The following RHBDL2 variants were observed in gnomAD, a reference collection of about 807,000 sequenced individuals.
The protein encoded by RHBDL2 is rhomboid-related protein 2.
A neutral mutation model predicts 31.7 loss-of-function variants in RHBDL2; 26 were observed. That is an observed-to-expected ratio of 0.82 (90% CI 0.60 to 1.14). The LOEUF is 1.14. Among genes scored for constraint, RHBDL2 ranks in the 50% most tolerant of loss-of-function variants. The pLI is 0.00. For missense variants in RHBDL2, 336 were observed against 364.4 expected, an observed-to-expected ratio of 0.92 and a Z score of 0.63; for synonymous variants, 123 against 127.2, an observed-to-expected ratio of 0.97 and a Z score of 0.22.
intron 4 of RHBDL2, among the ~76,000 whole-genome samples, chr1:38,897,675 A>G (rs539021526): frequency 6.6e-6 from 1 of 152,322 alleles, no homozygotes; most frequent in East Asian, 1.9e-4. Context: ...TCATCGTGCC[A>G]CTGCGCTCCA....
At position 38,917,009 on chromosome 1, in the gene RHBDL2, G is replaced by A. The variant is rs1048401304; in HGVS notation, c.247-1299C>T. 1.6e-3 allele frequency among the ~76,000 whole-genome samples: 239 copies of A among 150,388 alleles called. 2 individuals are homozygous for A. Among genetic ancestry groups the A allele is most frequent in the African/African-American group, 5.4e-3 (220 of 41,062 alleles). Reference sequence around the variant, plus strand: ...GGAGAAACTGGGTGAGAGGCATACAGGAACTTTCTTTTTTTTTTTTTTTTT... The same window carrying A: ...GGAGAAACTGGGTGAGAGGCATACAAGAACTTTCTTTTTTTTTTTTTTTTT... On this transcript the variant is annotated intron_variant, in intron 2 of 7. Coordinates refer to ENST00000372990, the MANE Select transcript of RHBDL2 (RefSeq NM_017821.5).
rs768195474 is a variant in RHBDL2 at position 38,919,289 on chromosome 1, C to A, written c.-77G>T. 197 of 1,610,842 alleles carry A rather than the reference C, an allele frequency of 1.2e-4. No individual in the cohort carries two copies. The highest frequency in any genetic ancestry group is 1.6e-4 in the Non-Finnish European group (189 of 1,179,820). On this transcript the variant is annotated 5_prime_UTR_variant, in exon 2 of 8. Transcript: ENST00000372990. ...AGGTGGCCCTAGGTCCTCAGGCTGC[C>A]GCTCTTCCCTGGGCTGTCTGGCGCA...
chr1:38,911,416 C>T lies in RHBDL2; in HGVS notation c.414G>A (p.Gly138=), dbSNP rs765129152. 8.7e-6 allele frequency: 14 copies of T among 1,613,588 alleles called. No homozygotes were observed. The highest frequency in any genetic ancestry group is 1.2e-5 in the Non-Finnish European group (14 of 1,179,626). ...LVHAGVQHIL[G]NLCMQLVLGI... is the part of the protein sequence containing the mutation. ...CCAAAACAAGCTGCATACAAAGATTCCCCAAGATGTGCTGAACTCTGCAAA... is the reference window on the plus strand; with the variant it reads ...CCAAAACAAGCTGCATACAAAGATTTCCCAAGATGTGCTGAACTCTGCAAA... The change falls in exon 4 of 8, where the codon GGG becomes GGA. Residue 138 remains glycine, a synonymous_variant. Coordinates refer to ENST00000372990, the MANE Select transcript of RHBDL2 (RefSeq NM_017821.5).
chr1:38,893,163 C>T lies in RHBDL2; in HGVS notation c.670+1G>A. Reference sequence around the variant, plus strand: ...ATGAAGTATTCACAAAACACACTTACTTATCAGGATGATGATCAGCAGTCT... The same window carrying T: ...ATGAAGTATTCACAAAACACACTTATTTATCAGGATGATGATCAGCAGTCT... On this transcript the variant is annotated splice_donor_variant, in intron 6 of 7. Transcript: ENST00000372990. LOFTEE classifies it high-confidence loss of function. 6.5e-7 allele frequency: 1 copy of T among 1,542,906 alleles called. No homozygotes were observed. The highest frequency in any genetic ancestry group is 9.0e-7 in the Non-Finnish European group (1 of 1,116,474).
At chr1:38,920,171 T>TTC (rs1553159775) in intron 1 of RHBDL2, among the ~76,000 whole-genome samples, 1 of 143,224 alleles carries the variant, frequency 7.0e-6, no homozygotes, top group Non-Finnish European at 1.5e-5. Flanking sequence ...GTTTTCTTTT[T>TTC]TTTTTTTTTT....
At chr1:38,931,303 C>T (rs1055794691) in intron 1 of RHBDL2, among the ~76,000 whole-genome samples, 3 of 152,236 alleles carry the variant, frequency 2.0e-5, no homozygotes, top group South Asian at 2.1e-4. Context: ...GGGCAGATCA[C>T]GAGGTCAGGA....
At chr1:38,900,827 C>A (rs1642979724) in intron 4 of RHBDL2, among the ~76,000 whole-genome samples, 1 of 151,962 alleles carries the variant, frequency 6.6e-6, no homozygotes, top group African/African-American at 2.4e-5. Context: ...GCAGGAGGAT[C>A]ACTTGAGGTC....
At chr1:38,887,655 C>T (rs554535617) in intron 7 of RHBDL2, among the ~76,000 whole-genome samples, 17 of 151,554 alleles carry the variant, frequency 1.1e-4, no homozygotes, top group African/African-American at 4.1e-4. Flanking sequence ...AAACTCCTGA[C>T]CCTGTGATCC....
At chr1:38,890,271 C>G (rs1005974414) in intron 6 of RHBDL2, among the ~76,000 whole-genome samples, 5 of 152,248 alleles carry the variant, frequency 3.3e-5, no homozygotes, top group Middle Eastern at 3.4e-3. Context: ...CCACCCGCCT[C>G]GGCTTCCTAA....
At chr1:38,917,786 C>T (rs1643259541) in intron 2 of RHBDL2, among the ~76,000 whole-genome samples, 1 of 152,194 alleles carries the variant, frequency 6.6e-6, no homozygotes, top group South Asian at 2.1e-4. Flanking sequence ...CCATAAGAGG[C>T]TTGGTCCCTG....
chr1:38,894,537 G>T (rs1642890875), intron 5 of RHBDL2, among the ~76,000 whole-genome samples: 1 of 151,580 alleles, frequency 6.6e-6, no homozygotes, highest in Non-Finnish European at 1.5e-5. Context: ...TGGCCAGGAT[G>T]GTCCCGATCT....
At chr1:38,894,601 A>G (rs1391480176) in intron 5 of RHBDL2, among the ~76,000 whole-genome samples, 1 of 151,812 alleles carries the variant, frequency 6.6e-6, no homozygotes, top group Non-Finnish European at 1.5e-5. Flanking sequence ...GATTACAGGC[A>G]TGAGCCACCA....
chr1:38,941,552 G>A (rs1002753802), intron 1 of RHBDL2, 130 bp downstream of exon 1: 4 of 152,302 alleles, frequency 2.6e-5, no homozygotes, highest in African/African-American at 9.7e-5. Flanking sequence ...CAGAAGGGGG[G>A]TTACCAGCGA....
chr1:38,923,026 G>T (rs553485602), intron 1 of RHBDL2, among the ~76,000 whole-genome samples: 1 of 151,974 alleles, frequency 6.6e-6, no homozygotes, highest in East Asian at 1.9e-4. Flanking sequence ...GGAGGCAGAG[G>T]TTTCAGTGAG....
At chr1:38,905,826 G>C (rs1050469232) in intron 4 of RHBDL2, among the ~76,000 whole-genome samples, 1 of 151,534 alleles carries the variant, frequency 6.6e-6, no homozygotes, top group African/African-American at 2.4e-5. Context: ...CCAGCACTTT[G>C]GGAGGCCAAG....
At chr1:38,905,750 G>GA (rs36067930) in intron 4 of RHBDL2, among the ~76,000 whole-genome samples, 53,138 of 117,514 alleles carry the variant, frequency 0.45, 11,467 homozygotes, top group Non-Finnish European at 0.51. Flanking sequence ...TCTGTCTCAA[G>GA]AAAAAAAAAA....
chr1:38,902,944 A>G (rs551708356), intron 4 of RHBDL2, among the ~76,000 whole-genome samples: 4 of 152,212 alleles, frequency 2.6e-5, no homozygotes, highest in Non-Finnish European at 5.9e-5. Flanking sequence ...TAAATAACCC[A>G]TGTGTCAAAG....
intron 4 of RHBDL2, among the ~76,000 whole-genome samples, chr1:38,900,909 G>A (rs537252302): frequency 4.0e-5 from 6 of 151,122 alleles, no homozygotes; most frequent in South Asian, 2.1e-4. Context: ...TTAACCAGGC[G>A]TGGTGGCACA....
At chr1:38,889,613 C>T (rs1281231988) in intron 6 of RHBDL2, among the ~76,000 whole-genome samples, 1 of 152,160 alleles carries the variant, frequency 6.6e-6, no homozygotes, top group African/African-American at 2.4e-5. Context: ...CTGAAGGTGT[C>T]AGGCCATGAA....
Sources: allele counts gnomAD v4.1 joint callset (sites outside exome capture counted in the v4.1 genomes callset), GRCh38; gene constraint gnomAD v4.1.1; transcripts MANE v1.5; gene names NCBI Gene and HGNC (gene_info 2026-07-23, HGNC 2026-07-21).